The following CUL1 variants were observed in gnomAD, a reference collection of about 807,000 sequenced individuals.
CUL1 encodes the protein cullin 1, also known as cullin-1.
In CUL1, 24 loss-of-function variants were observed where a neutral mutation model predicts 118.0. The observed-to-expected ratio is 0.20, with a 90% confidence interval of 0.15 to 0.29. CUL1 has a LOEUF of 0.29. Ranked by LOEUF, CUL1 falls within the 10% of genes least tolerant of loss-of-function variation. The pLI, the probability that CUL1 is intolerant of heterozygous loss-of-function variation, is 1.00. For missense variants in CUL1, 361 were observed against 933.8 expected, an observed-to-expected ratio of 0.39 and a Z score of 7.99; for synonymous variants, 332 against 340.4, an observed-to-expected ratio of 0.98 and a Z score of 0.27.
chr7:148,717,928 C>G (rs1259534257), intron 1 of CUL1, among the ~76,000 whole-genome samples: 1 of 152,224 alleles, frequency 6.6e-6, no homozygotes, highest in Admixed American at 6.5e-5. Flanking sequence ...GACATCTCTT[C>G]CAATACCTGC....
intron 17 of CUL1, among the ~76,000 whole-genome samples, chr7:148,795,378 C>G (rs1261386333): frequency 2.0e-5 from 3 of 151,294 alleles, no homozygotes; most frequent in African/African-American, 7.3e-5. Flanking sequence ...GTGACACTTT[C>G]ACCTTGGCCT....
At chr7:148,740,213 T>C (rs777650137) in intron 2 of CUL1, among the ~76,000 whole-genome samples, 15 of 151,982 alleles carry the variant, frequency 9.9e-5, no homozygotes, top group Non-Finnish European at 1.5e-5. Context: ...CCACCACGCC[T>C]AGCTAATTTT....
In CUL1 at chr7:148,793,742, A is replaced by C. The variant is rs571316139; in HGVS notation, c.1899+924A>C. On this transcript the variant is annotated intron_variant, in intron 17 of 21. Transcript: ENST00000325222. ...TTATGAACAATGCTGCTGTGAATAC[A>C]TGTTTTCAATTTTCCTGGGTATATA... 1.1e-4 allele frequency among the ~76,000 whole-genome samples: 17 copies of C among 152,282 alleles called. No individual in the cohort carries two copies. The East Asian group carries it at 2.9e-3, about 26-fold the overall frequency.
At chr7:148,706,372 G>A (rs773047772) in intron 1 of CUL1, among the ~76,000 whole-genome samples, 28 of 152,196 alleles carry the variant, frequency 1.8e-4, no homozygotes, top group African/African-American at 6.5e-4. Context: ...CCTCAAATGG[G>A]ACAGAAGGCT....
At chr7:148,714,692 CTTG>C (rs929712206) in intron 1 of CUL1, among the ~76,000 whole-genome samples, 1 of 149,868 alleles carries the variant, frequency 6.7e-6, no homozygotes, top group African/African-American at 2.4e-5. Flanking sequence ...TGGGTGTCAT[CTTG>C]TTGAGGTTGC....
chr7:148,783,007 A>G (rs1800693383), intron 9 of CUL1, among the ~76,000 whole-genome samples: 1 of 152,156 alleles, frequency 6.6e-6, no homozygotes, highest in South Asian at 2.1e-4. Context: ...AATGGGGATG[A>G]AAACAGCACC....
At chr7:148,731,892 A>T (rs1798776330) in intron 2 of CUL1, among the ~76,000 whole-genome samples, 1 of 152,212 alleles carries the variant, frequency 6.6e-6, no homozygotes, top group Non-Finnish European at 1.5e-5. Flanking sequence ...TTGTATAGCT[A>T]GTCTACATTT....
Position 148,787,876 on chromosome 7 carries a change from C to G in CUL1, c.1480-681C>G, listed in dbSNP as rs1800871794. On this transcript the variant is annotated intron_variant, in intron 13 of 21. Coordinates refer to ENST00000325222, the MANE Select transcript of CUL1 (RefSeq NM_003592.3). This position sits in a 1 kb window ranked among gnomAD's most constrained non-coding sequence, Gnocchi z 5.5. Reference sequence around the variant, plus strand: ...GTGCTCTTATCTGACTTGGGACATACTTTACTTTGGCCCCAAATTATGTAG... The same window carrying G: ...GTGCTCTTATCTGACTTGGGACATAGTTTACTTTGGCCCCAAATTATGTAG... Among the ~76,000 whole-genome samples, 1 of 152,216 alleles carries G rather than the reference C, an allele frequency of 6.6e-6. No individual in the cohort carries two copies. Among genetic ancestry groups the G allele is most frequent in the Non-Finnish European group, 1.5e-5 (1 of 68,048 alleles).
intron 1 of CUL1, 90 bp downstream of exon 1, chr7:148,699,119 C>G (rs1468420836): frequency 6.5e-6 from 1 of 152,732 alleles, no homozygotes; most frequent in Non-Finnish European, 1.5e-5. Flanking sequence ...CGCAGTGACT[C>G]GGGCCGCGAC....
intron 2 of CUL1, among the ~76,000 whole-genome samples, chr7:148,734,207 A>T (rs920709756): frequency 2.0e-5 from 3 of 152,096 alleles, no homozygotes; most frequent in African/African-American, 7.2e-5. Context: ...ATTCACTTCT[A>T]GTTTTCTATG....
At chr7:148,789,876 G>T in intron 15 of CUL1, 50 bp downstream of exon 15, 1 of 1,540,788 alleles carries the variant, frequency 6.5e-7, no homozygotes, top group South Asian at 1.1e-5. Context: ...GGAGGGTGGG[G>T]CAGGGCAGCC....
chr7:148,763,326 T>C (rs1328572914), intron 7 of CUL1, among the ~76,000 whole-genome samples: 1 of 152,140 alleles, frequency 6.6e-6, no homozygotes, highest in Non-Finnish European at 1.5e-5. Flanking sequence ...GTTAAAGGTT[T>C]GGCCCGGATC....
intron 7 of CUL1, among the ~76,000 whole-genome samples, chr7:148,762,658 A>T (rs558383719): frequency 2.6e-4 from 39 of 152,350 alleles, no homozygotes; most frequent in African/African-American, 9.1e-4. Context: ...TTTTAAAACT[A>T]TATATCCCAA....
intron 1 of CUL1, among the ~76,000 whole-genome samples, chr7:148,710,531 T>C (rs1027170788): frequency 1.3e-5 from 2 of 152,210 alleles, no homozygotes; most frequent in Admixed American, 6.5e-5. Flanking sequence ...ATCACGCCAC[T>C]ACATTCCAGC....
intron 7 of CUL1, among the ~76,000 whole-genome samples, chr7:148,763,002 C>T (rs961013488): frequency 6.6e-6 from 1 of 152,120 alleles, no homozygotes; most frequent in Non-Finnish European, 1.5e-5. Flanking sequence ...CAAAAATTAG[C>T]CAAGTGTGGT....
intron 9 of CUL1, among the ~76,000 whole-genome samples, chr7:148,780,692 A>G (rs775957218): frequency 4.6e-5 from 7 of 152,254 alleles, no homozygotes; most frequent in Non-Finnish European, 1.0e-4. Flanking sequence ...CTGAAATCAT[A>G]TAGGAGTTGA....
intron 9 of CUL1, among the ~76,000 whole-genome samples, chr7:148,769,707 G>A (rs142690945): frequency 7.7e-4 from 117 of 152,130 alleles, no homozygotes; most frequent in East Asian, 1.9e-3. Flanking sequence ...TAGGGAACTC[G>A]TGTTCTATGT....
intron 1 of CUL1, among the ~76,000 whole-genome samples, chr7:148,699,570 C>G (rs1797647564): frequency 6.6e-6 from 1 of 152,200 alleles, no homozygotes; most frequent in South Asian, 2.1e-4. Flanking sequence ...GGAGCAGCCG[C>G]GGAGCCGGGC....
chr7:148,741,301 G>A lies in CUL1; in HGVS notation c.140+11039G>A, dbSNP rs1173612950. ...TTTCTGGGTCAGATGGTAACTGTGTGTTTAACCATTTGCAGAACTGCCAAA... is the reference window on the plus strand; with the variant it reads ...TTTCTGGGTCAGATGGTAACTGTGTATTTAACCATTTGCAGAACTGCCAAA... On this transcript the variant is annotated intron_variant, in intron 2 of 21. Transcript: ENST00000325222. Among the ~76,000 whole-genome samples, 6 of 152,312 alleles carry A rather than the reference G, an allele frequency of 3.9e-5. No homozygotes were observed. In the East Asian group the frequency reaches 5.8e-4, roughly 15 times the overall value.
Sources: gnomAD v4.1 joint callset for allele counts (sites outside exome capture counted in the v4.1 genomes callset) on GRCh38, gnomAD v4.1.1 for gene constraint, Gnocchi (gnomAD v3.1) non-coding constraint, MANE v1.5 for transcripts, NCBI Gene and HGNC (gene_info 2026-07-23, HGNC 2026-07-21) for gene names.